Variants in SYNE2 observed in about 807,000 individuals in gnomAD.
SYNE2 encodes spectrin repeat containing nuclear envelope protein 2.
In SYNE2, 431 loss-of-function variants were observed where a neutral mutation model predicts 856.3. That is an observed-to-expected ratio of 0.50 (90% CI 0.47 to 0.55). The LOEUF (loss-of-function observed/expected upper bound fraction) is 0.55, where lower values mean the gene tolerates loss of function less well. Ranked by LOEUF, SYNE2 falls within the 20% of genes least tolerant of loss-of-function variation. The pLI, the probability that SYNE2 is intolerant of heterozygous loss-of-function variation, is 0.00. For synonymous variants in SYNE2, 2,923 were observed against 2,872.3 expected, an observed-to-expected ratio of 1.02 and a Z score of -0.56; for missense variants, 8,129 against 8,023.2, an observed-to-expected ratio of 1.01 and a Z score of -0.50.
chr14:63,805,107 T>C (rs1316040013), intron 1 of SYNE2, among the ~76,000 whole-genome samples: 1 of 152,212 alleles, frequency 6.6e-6, no homozygotes, highest in Non-Finnish European at 1.5e-5. Flanking sequence ...TGTGTGTCTC[T>C]TTTTGTACCG....
rs1188059040 is a variant in SYNE2 at position 64,158,687 on chromosome 14, C to G, written c.15855C>G (p.Leu5285=). 1 of 1,613,830 alleles carries G rather than the reference C, an allele frequency of 6.2e-7. No individual in the cohort carries two copies. The highest frequency in any genetic ancestry group is 2.2e-5 in the East Asian group (1 of 44,880). The stretch of plus-strand genomic sequence containing the variant: ...AGGAGTGGAAGATTTATGATCAACT[C>G]TATGATGAAGTGAATATGATGACAA... ...VLQEWKIYDQ[L]YDEVNMMTIR... Residue 5285 remains leucine, a synonymous_variant, in exon 86 of 116, where the codon CTC becomes CTG. Coordinates refer to ENST00000555002, the MANE Select transcript of SYNE2 (RefSeq NM_182914.3).
intron 6 of SYNE2, among the ~76,000 whole-genome samples, chr14:63,945,848 T>C (rs1170087065): frequency 2.0e-5 from 3 of 152,186 alleles, no homozygotes; most frequent in Non-Finnish European, 2.9e-5. Flanking sequence ...GGTCAAGCTG[T>C]TGCCAGTTTT....
intron 1 of SYNE2, among the ~76,000 whole-genome samples, chr14:63,799,939 A>G (rs926249692): frequency 2.6e-5 from 4 of 152,200 alleles, no homozygotes; most frequent in Non-Finnish European, 5.9e-5. Flanking sequence ...AATTTCCTTC[A>G]ACGGGACATC....
At chr14:64,136,289 CA>C (rs34694248) in intron 78 of SYNE2, among the ~76,000 whole-genome samples, 14,102 of 62,196 alleles carry the variant, frequency 0.23, 829 homozygotes, top group African/African-American at 0.42. Context: ...GACTTCATCT[CA>C]AAAAAAAAAA....
chr14:63,858,876 T>C (rs1215470482), intron 1 of SYNE2, among the ~76,000 whole-genome samples: 1 of 152,204 alleles, frequency 6.6e-6, no homozygotes, highest in Admixed American at 6.5e-5. Context: ...GATTGTACTT[T>C]TGGTATTATT....
intron 52 of SYNE2, among the ~76,000 whole-genome samples, chr14:64,072,508 T>G (rs2097419891): frequency 6.6e-6 from 1 of 151,978 alleles, no homozygotes; most frequent in Non-Finnish European, 1.5e-5. Context: ...TTCTCCTTTT[T>G]TTTTTTTTTG....
chr14:63,812,775 A>G (rs557794388), intron 1 of SYNE2, among the ~76,000 whole-genome samples: 1 of 152,296 alleles, frequency 6.6e-6, no homozygotes, highest in East Asian at 1.9e-4. Flanking sequence ...ACTTTAAGGA[A>G]CTAATGTTTA....
At chr14:63,974,912 A>ATATATATATATATG (rs2096528831) in intron 11 of SYNE2, among the ~76,000 whole-genome samples, 1 of 54,790 alleles carries the variant, frequency 1.8e-5, no homozygotes, top group Non-Finnish European at 3.7e-5. Context: ...ATATATATAT[A>ATATATATATATATG]TATATGTATC....
At chr14:63,874,724 C>G (rs1024029605) in intron 1 of SYNE2, among the ~76,000 whole-genome samples, 7 of 152,238 alleles carry the variant, frequency 4.6e-5, no homozygotes, top group South Asian at 4.1e-4. Context: ...AAACAAAAAT[C>G]TTGCAAGAAG....
intron 45 of SYNE2, among the ~76,000 whole-genome samples, chr14:64,037,996 C>T (rs1443524297): frequency 3.5e-4 from 53 of 151,970 alleles, no homozygotes; most frequent in Non-Finnish European, 5.9e-4. Context: ...ACGCTCCTCA[C>T]TTCCCAGACG....
At position 63,979,710 on chromosome 14, in the gene SYNE2, C is replaced by T. The variant is rs572319632; in HGVS notation, c.1569+696C>T. Among the ~76,000 whole-genome samples the T allele has an allele frequency of 2.3e-4, 35 of 152,172 alleles. 2 individuals carry two copies. The South Asian group carries it at 4.6e-3, about 20-fold the overall frequency. On this transcript the variant is annotated intron_variant, in intron 14 of 115. Coordinates refer to ENST00000555002, the MANE Select transcript of SYNE2 (RefSeq NM_182914.3). The stretch of plus-strand genomic sequence containing the variant: ...GGTGGATTGCCTGAGGTCAGGAGTT[C>T]GAGACATGGCGAAACCCTGTCTCTA...
At chr14:63,848,762 C>T (rs1890311543), upstream of SYNE2, among the ~76,000 whole-genome samples, 1 of 152,192 alleles carries the variant, frequency 6.6e-6, no homozygotes, top group Admixed American at 6.5e-5. Context: ...CTTCCAAGCC[C>T]CGCAGTTACT....
chr14:64,003,643 G>A (rs1356982783), intron 30 of SYNE2, among the ~76,000 whole-genome samples: 4 of 152,130 alleles, frequency 2.6e-5, no homozygotes, highest in Non-Finnish European at 5.9e-5. Flanking sequence ...TGTGTTTACT[G>A]TGGAGTTCTC....
At chr14:64,206,892 G>A (rs1308232150) in intron 100 of SYNE2, among the ~76,000 whole-genome samples, 2 of 152,092 alleles carry the variant, frequency 1.3e-5, no homozygotes. Context: ...GTATTTACAT[G>A]GGATATGTAT....
At chr14:64,039,643 TTTA>T (rs1223751655) in intron 45 of SYNE2, among the ~76,000 whole-genome samples, 15 of 152,372 alleles carry the variant, frequency 9.8e-5, no homozygotes, top group Admixed American at 9.8e-4. Context: ...CCACTTTAAA[TTTA>T]TTATTAACTT....
chr14:63,763,488 T>C (rs1886566929), intron 1 of SYNE2, among the ~76,000 whole-genome samples: 1 of 152,056 alleles, frequency 6.6e-6, no homozygotes, highest in Non-Finnish European at 1.5e-5. Context: ...GGCAGGAGGA[T>C]TGCTTGGGGC....
intron 10 of SYNE2, among the ~76,000 whole-genome samples, chr14:63,966,782 A>G (rs557165012): frequency 1.3e-5 from 2 of 150,858 alleles, no homozygotes; most frequent in Admixed American, 1.3e-4. Flanking sequence ...CTAGTTTTGA[A>G]CTCCTGGGCT....
intron 87 of SYNE2, among the ~76,000 whole-genome samples, chr14:64,160,036 A>C (rs753142590): frequency 5.9e-5 from 9 of 152,212 alleles, no homozygotes; most frequent in African/African-American, 1.2e-4. Flanking sequence ...ATGCTATCTT[A>C]AGTGTCCTTC....
chr14:64,145,547 T>C (rs1310081246), intron 83 of SYNE2, among the ~76,000 whole-genome samples: 1 of 151,684 alleles, frequency 6.6e-6, no homozygotes, highest in Admixed American at 6.6e-5. Flanking sequence ...ACACAGTAGT[T>C]ATAATGTATG....
Sources: allele counts gnomAD v4.1 joint callset (sites outside exome capture counted in the v4.1 genomes callset), GRCh38; gene constraint gnomAD v4.1.1; transcripts MANE v1.5; gene names NCBI Gene and HGNC (gene_info 2026-07-23, HGNC 2026-07-21).